Variants in MYOCD observed in about 807,000 individuals in gnomAD.
MYOCD encodes myocardin.
MYOCD carries 32 observed loss-of-function variants against 96.1 expected under a neutral mutation model. That is an observed-to-expected ratio of 0.33 (90% CI 0.25 to 0.45). MYOCD has a LOEUF of 0.45. Ranked by LOEUF, MYOCD falls within the 20% of genes least tolerant of loss-of-function variation. The probability of loss-of-function intolerance (pLI) is 1.00; values close to 1 mark genes in which losing one functional copy is unlikely to be tolerated. For missense variants in MYOCD, 1,133 were observed against 1,200.6 expected (o/e 0.94, Z 0.83); for synonymous variants, 469 against 469.0 (o/e 1.00, Z 0.00).
intron 2 of MYOCD, among the ~76,000 whole-genome samples, chr17:12,712,329 G>A (rs984947806): frequency 6.6e-6 from 1 of 152,120 alleles, no homozygotes; most frequent in African/African-American, 2.4e-5. Context: ...GCAGCTGAAT[G>A]GTCCCATTAA....
In MYOCD at chr17:12,753,263, C is replaced by T. The variant is rs753028491; in HGVS notation, c.1975C>T (p.His659Tyr). The T allele has an allele frequency of 2.5e-6, 4 of 1,614,064 alleles. No individual in the cohort carries two copies. The highest frequency in any genetic ancestry group is 3.4e-6 in the Non-Finnish European group (4 of 1,180,026). Reference protein sequence around the residue: ...ISLPPSPNNPHFLPSSSGAQG... With the variant: ...ISLPPSPNNPYFLPSSSGAQG... ...TTTGCCCCCATCACCCAACAACCCTCACTTTCTGCCCTCATCCTCCGGGGC... is the reference window on the plus strand; with the variant it reads ...TTTGCCCCCATCACCCAACAACCCTTACTTTCTGCCCTCATCCTCCGGGGC... Residue 659 changes from histidine to tyrosine, a missense_variant, in exon 10 of 14, where the codon CAC becomes TAC. By Grantham distance (83) the His-to-Tyr change is moderately conservative (BLOSUM62 2). Transcript: ENST00000425538.
chr17:12,691,591 G>C (rs1001480381), intron 1 of MYOCD, among the ~76,000 whole-genome samples: 1 of 152,138 alleles, frequency 6.6e-6, no homozygotes, highest in Non-Finnish European at 1.5e-5. Flanking sequence ...TAGGGGGCAG[G>C]TAGCATGAAA....
Position 12,753,242 on chromosome 17 carries a change from C to G in MYOCD, c.1954C>G (p.Pro652Ala). The G allele has an allele frequency of 6.2e-7, 1 of 1,614,178 alleles. No individual in the cohort carries two copies. Among genetic ancestry groups the G allele is most frequent in the Non-Finnish European group, 8.5e-7 (1 of 1,180,018 alleles). Residue 652 changes from proline (P) to alanine (A), a missense_variant, in exon 10 of 14, where the codon CCC becomes GCC. Coordinates refer to ENST00000425538, the MANE Select transcript of MYOCD (RefSeq NM_001146312.3). ...GAAAAGCCCACAGCACATCAGTTTG[C>G]CCCCATCACCCAACAACCCTCACTT... ...AVKSPQHISL[P>A]PSPNNPHFLP...
In MYOCD at chr17:12,740,393, T is replaced by C. The variant is rs143120745; in HGVS notation, c.717+1065T>C. On this transcript the variant is annotated intron_variant, in intron 7 of 13. Transcript: ENST00000425538. ...ACGCCTCTGCATCCTCATAGCTTAG[T>C]TCCCACTTATAAGTGAGAACACATG... is the stretch of plus-strand genomic sequence containing the variant. Among the ~76,000 whole-genome samples the C allele has an allele frequency of 6.4e-3, 979 of 152,320 alleles. 17 individuals are homozygous for C. Among genetic ancestry groups the C allele is most frequent in the East Asian group, 0.038 (195 of 5,184 alleles).
intron 1 of MYOCD, among the ~76,000 whole-genome samples, chr17:12,691,055 T>C (rs1474506326): frequency 2.6e-5 from 4 of 152,224 alleles, no homozygotes; most frequent in Non-Finnish European, 5.9e-5. Context: ...TGTTGCACAT[T>C]CGGTAATGAC....
rs2033407355 is a variant in MYOCD at position 12,768,828 on chromosome 17, A to G, written c.*5184A>G. 1 of 151,924 alleles carries G rather than the reference A, an allele frequency of 6.6e-6. No individual in the cohort carries two copies. Among genetic ancestry groups the G allele is most frequent in the Admixed American group, 6.6e-5 (1 of 15,252 alleles). 9.4% of individuals were successfully genotyped at this position (151,924 alleles called of 1,614,324 possible). On this transcript the variant is annotated 3_prime_UTR_variant, in exon 14 of 14. Transcript: ENST00000425538. Reference sequence around the variant, plus strand: ...CTCAATTGAGCATAATCAGAAAGAAATGTGGGTTATTGGGAAGAGACAAAA... The same window carrying G: ...CTCAATTGAGCATAATCAGAAAGAAGTGTGGGTTATTGGGAAGAGACAAAA...
intron 4 of MYOCD, among the ~76,000 whole-genome samples, chr17:12,722,530 C>T (rs1461688865): frequency 6.6e-6 from 1 of 152,188 alleles, no homozygotes; most frequent in Non-Finnish European, 1.5e-5. Flanking sequence ...ATCCAAGTGC[C>T]ATAGCTTAGG....
Position 12,752,737 on chromosome 17 carries a change from C to T in MYOCD, c.1449C>T (p.Gly483=). 1 of 1,614,190 alleles carries T rather than the reference C, an allele frequency of 6.2e-7. No individual in the cohort carries two copies. The highest frequency in any genetic ancestry group is 8.5e-7 in the Non-Finnish European group (1 of 1,180,046). Residue 483 remains glycine, a synonymous_variant, in exon 10 of 14, where the codon GGC becomes GGT. Coordinates refer to ENST00000425538, the MANE Select transcript of MYOCD (RefSeq NM_001146312.3). ...DTFNDASPSF[G]LHPSPVHVCT... Reference sequence around the variant, plus strand: ...TCAATGATGCCTCCCCCTCCTTCGGCCTGCACCCGTCCCCAGTCCACGTGT... The same window carrying T: ...TCAATGATGCCTCCCCCTCCTTCGGTCTGCACCCGTCCCCAGTCCACGTGT...
chr17:12,672,989 G>A (rs761249874), intron 1 of MYOCD, among the ~76,000 whole-genome samples: 42 of 152,222 alleles, frequency 2.8e-4, no homozygotes, highest in African/African-American at 9.6e-4. Context: ...TGGTACGAAA[G>A]CATCAAATTA....
rs368205337 is a variant in MYOCD, at chr17:12,763,069, A to G, written c.2390-4A>G. On this transcript the variant is annotated splice_polypyrimidine_tract_variant and splice_region_variant and intron_variant, in intron 13 of 13. Coordinates refer to ENST00000425538, the MANE Select transcript of MYOCD (RefSeq NM_001146312.3). ...TAACAAGTCACATCGTGTATTGCCCACAGAAATGCCAGCAGACGCTAGAGA... is the reference window on the plus strand; with the variant it reads ...TAACAAGTCACATCGTGTATTGCCCGCAGAAATGCCAGCAGACGCTAGAGA... 33 of 1,601,258 alleles carry G rather than the reference A, an allele frequency of 2.1e-5. No individual in the cohort carries two copies. The South Asian group carries it at 2.5e-4, about 12-fold the overall frequency.
intron 1 of MYOCD, among the ~76,000 whole-genome samples, chr17:12,704,307 A>AG (rs1183370241): frequency 6.6e-6 from 1 of 152,162 alleles, no homozygotes; most frequent in Non-Finnish European, 1.5e-5. Flanking sequence ...TTTGGAGGAG[A>AG]GGGGGCAATG....
chr17:12,731,552 A>G (rs1255382572), intron 5 of MYOCD, among the ~76,000 whole-genome samples: 2 of 152,180 alleles, frequency 1.3e-5, no homozygotes, highest in African/African-American at 2.4e-5. Flanking sequence ...GAAATTATTA[A>G]TCACTTACAC....
chr17:12,702,871 C>T (rs1207910610), intron 1 of MYOCD, among the ~76,000 whole-genome samples: 2 of 151,758 alleles, frequency 1.3e-5, no homozygotes, highest in African/African-American at 4.8e-5. Flanking sequence ...CATCGCAAGA[C>T]AATGTTATAA....
chr17:12,671,390 C>CAA (rs1316456598), intron 1 of MYOCD, among the ~76,000 whole-genome samples: 2 of 152,078 alleles, frequency 1.3e-5, no homozygotes, highest in African/African-American at 4.8e-5. Context: ...ATACAAAAGT[C>CAA]AAAGTCATAG....
Position 12,693,394 on chromosome 17 carries a change from G to A in MYOCD, c.56-11734G>A, listed in dbSNP as rs919647587. On this transcript the variant is annotated intron_variant, in intron 1 of 13. Transcript: ENST00000425538. ...GGAGGCCGAGGTGGGCGGATCACCC[G>A]AGGTCAGGAGTTCAAGACCAGCCTG... Among the ~76,000 whole-genome samples, 15 of 151,954 alleles carry A rather than the reference G, an allele frequency of 9.9e-5. No homozygotes were observed. In the East Asian group the frequency reaches 1.2e-3, roughly 12 times the overall value.
At chr17:12,699,504 ATCAGTGTTCC>A (rs1359968245) in intron 1 of MYOCD, among the ~76,000 whole-genome samples, 1 of 152,186 alleles carries the variant, frequency 6.6e-6, no homozygotes, top group Admixed American at 6.5e-5. Context: ...GATGCCCGAA[ATCAGTGTTCC>A]AGCCCTAACC....
chr17:12,703,140 G>T (rs1322122590), intron 1 of MYOCD, among the ~76,000 whole-genome samples: 3 of 151,858 alleles, frequency 2.0e-5, no homozygotes, highest in Non-Finnish European at 4.4e-5. Flanking sequence ...AGATTGGGGG[G>T]CGGGGTGTTT....
At chr17:12,712,535 G>T (rs540920218) in intron 2 of MYOCD, among the ~76,000 whole-genome samples, 3 of 152,342 alleles carry the variant, frequency 2.0e-5, no homozygotes, top group African/African-American at 7.2e-5. Flanking sequence ...TTACAGTGGA[G>T]AGCAGAGGAC....
intron 4 of MYOCD, among the ~76,000 whole-genome samples, chr17:12,721,898 T>C (rs1403955345): frequency 6.6e-6 from 1 of 152,134 alleles, no homozygotes; most frequent in Admixed American, 6.5e-5. Flanking sequence ...ATTCCCTCCA[T>C]TGAATGTGAA....
Sources: allele counts gnomAD v4.1 joint callset (sites outside exome capture counted in the v4.1 genomes callset), GRCh38; gene constraint gnomAD v4.1.1; transcripts MANE v1.5; gene names NCBI Gene and HGNC (gene_info 2026-07-23, HGNC 2026-07-21).